Variants in CNTN4 observed in about 807,000 individuals in gnomAD.
CNTN4 encodes the protein contactin 4.
Under a neutral mutation model 122.5 loss-of-function variants are expected in CNTN4, and 77 were observed. The ratio of observed to expected loss-of-function variants is 0.63; its 90% CI spans 0.52 to 0.76. The LOEUF (loss-of-function observed/expected upper bound fraction) is 0.76, where lower values mean the gene tolerates loss of function less well. Ranked by LOEUF, CNTN4 falls within the 30% of genes least tolerant of loss-of-function variation. The pLI is 0.00. For synonymous variants in CNTN4, 512 were observed against 447.0 expected, an observed-to-expected ratio of 1.15 and a Z score of -1.83; for missense variants, 1,256 against 1,259.1, an observed-to-expected ratio of 1.00 and a Z score of 0.04.
intron 4 of CNTN4, among the ~76,000 whole-genome samples, chr3:2,600,737 A>G (rs77841565): frequency 0.098 from 14,971 of 152,246 alleles, 983 homozygotes; most frequent in Non-Finnish European, 0.14. Context: ...GGCTGGGTCA[A>G]ACGGTATTTC....
Position 2,690,851 on chromosome 3 carries a change from A to T in CNTN4, c.56-45364A>T, listed in dbSNP as rs534387221. Among the ~76,000 whole-genome samples, 3 of 152,350 alleles carry T rather than the reference A, an allele frequency of 2.0e-5. No homozygotes were observed. The South Asian group carries it at 6.2e-4, about 32-fold the overall frequency. On this transcript the variant is annotated intron_variant, in intron 4 of 24. Transcript: ENST00000418658. The stretch of plus-strand genomic sequence containing the variant: ...CACAGCCACACTCATTCCTTTGCAT[A>T]TTGCCTAAGGCAACTTTCATGCTAT...
intron 2 of CNTN4, among the ~76,000 whole-genome samples, chr3:2,224,158 T>G (rs979854357): frequency 2.6e-5 from 4 of 152,230 alleles, no homozygotes; most frequent in Admixed American, 2.6e-4. Context: ...CTCCTGTGGC[T>G]GCAGTTTCTT....
chr3:2,903,181 G>A (rs184472891), intron 12 of CNTN4, among the ~76,000 whole-genome samples, 176 bp downstream of exon 12: 7 of 152,266 alleles, frequency 4.6e-5, no homozygotes, highest in East Asian at 1.9e-4. Flanking sequence ...ACAAGAGAAC[G>A]CTTTCTAAAT....
intron 13 of CNTN4, among the ~76,000 whole-genome samples, chr3:2,933,114 GC>G (rs2094539079): frequency 6.6e-6 from 1 of 152,090 alleles, no homozygotes; most frequent in Non-Finnish European, 1.5e-5. Flanking sequence ...GAGCCACCGC[GC>G]CCGGCCCAGA....
intron 2 of CNTN4, among the ~76,000 whole-genome samples, chr3:2,294,189 G>C (rs1274874851): frequency 2.6e-5 from 4 of 151,962 alleles, no homozygotes; most frequent in Non-Finnish European, 5.9e-5. Context: ...TTTATTCCTA[G>C]TGTAAATCAT....
chr3:2,194,079 T>G (rs754497216), intron 2 of CNTN4, among the ~76,000 whole-genome samples: 1 of 152,178 alleles, frequency 6.6e-6, no homozygotes, highest in African/African-American at 2.4e-5. Context: ...TGTCCCTGTT[T>G]AGAGGAAATA....
intron 10 of CNTN4, among the ~76,000 whole-genome samples, chr3:2,892,982 T>C (rs2094061317): frequency 6.6e-6 from 1 of 152,222 alleles, no homozygotes; most frequent in Admixed American, 6.5e-5. Flanking sequence ...TACAACATTT[T>C]AATACAATAG....
intron 2 of CNTN4, among the ~76,000 whole-genome samples, chr3:2,198,933 A>T (rs1279291298): frequency 6.6e-6 from 1 of 152,188 alleles, no homozygotes; most frequent in East Asian, 1.9e-4. Context: ...CACAGATGAC[A>T]GCTTTTGTTC....
At chr3:2,816,004 A>G (rs1269854212) in intron 6 of CNTN4, among the ~76,000 whole-genome samples, 1 of 151,856 alleles carries the variant, frequency 6.6e-6, no homozygotes, top group African/African-American at 2.4e-5. Context: ...AAAACCAAAT[A>G]TCGTATGTTC....
intron 4 of CNTN4, among the ~76,000 whole-genome samples, chr3:2,588,785 TA>T (rs11334608): frequency 0.31 from 37,220 of 118,366 alleles, 5,871 homozygotes; most frequent in Non-Finnish European, 0.39. Context: ...CTTCCAGCTC[TA>T]AAAAAAAAAA....
At chr3:2,430,422 C>CA (rs545639324) in intron 3 of CNTN4, among the ~76,000 whole-genome samples, 3,030 of 59,834 alleles carry the variant, frequency 0.051, 78 homozygotes, top group African/African-American at 0.13. Flanking sequence ...ACTCTTGTCT[C>CA]AAAAAAAAAA....
chr3:2,755,597 G>A (rs2090299455), intron 6 of CNTN4, among the ~76,000 whole-genome samples: 1 of 152,166 alleles, frequency 6.6e-6, no homozygotes, highest in Non-Finnish European at 1.5e-5. Flanking sequence ...AATCTTAGGA[G>A]CTATTAAAGT....
At chr3:2,612,185 TA>T (rs2149834599) in intron 4 of CNTN4, among the ~76,000 whole-genome samples, 1 of 152,010 alleles carries the variant, frequency 6.6e-6, no homozygotes, top group East Asian at 1.9e-4. Flanking sequence ...TACATCCCGA[TA>T]AACCCATCAT....
chr3:2,648,890 C>G (rs768289839), intron 4 of CNTN4, among the ~76,000 whole-genome samples: 1 of 152,132 alleles, frequency 6.6e-6, no homozygotes, highest in Non-Finnish European at 1.5e-5. Context: ...CTTCAGGCAA[C>G]GCATGAATAA....
intron 3 of CNTN4, among the ~76,000 whole-genome samples, chr3:2,360,732 G>A (rs572816497): frequency 2.1e-4 from 32 of 152,134 alleles, no homozygotes; most frequent in Non-Finnish European, 4.3e-4. Context: ...ATTAGATCTC[G>A]TGAGAACTCT....
intron 12 of CNTN4, among the ~76,000 whole-genome samples, chr3:2,919,132 T>G (rs1237475364): frequency 6.6e-6 from 1 of 150,878 alleles, no homozygotes; most frequent in African/African-American, 2.4e-5. Context: ...TGACTTGAAG[T>G]CAGGAGTTCA....
intron 14 of CNTN4, among the ~76,000 whole-genome samples, chr3:3,016,734 C>G (rs1274733933): frequency 6.6e-6 from 1 of 152,096 alleles, no homozygotes; most frequent in Non-Finnish European, 1.5e-5. Flanking sequence ...CTGATTGTTT[C>G]CCAAGTACCT....
chr3:2,473,842 G>C (rs1338248839), intron 3 of CNTN4, among the ~76,000 whole-genome samples: 1 of 151,986 alleles, frequency 6.6e-6, no homozygotes, highest in East Asian at 1.9e-4. Context: ...GAGAAACCCT[G>C]TCTCTACTAA....
In CNTN4 at chr3:3,018,588, C is replaced by A. The variant is rs985775682; in HGVS notation, c.1487-7514C>A. 5.3e-5 allele frequency among the ~76,000 whole-genome samples: 8 copies of A among 152,116 alleles called. No homozygotes were observed. The South Asian group carries it at 1.5e-3, about 28-fold the overall frequency. On this transcript the variant is annotated intron_variant, in intron 14 of 24. Coordinates refer to ENST00000418658, the MANE Select transcript of CNTN4 (RefSeq NM_175607.3). ...CAGAGGAGACAGCTGGCAATGTTGG[C>A]AGATTGGTTATACTGAACAAAATGT...
Sources: allele counts gnomAD v4.1 joint callset (sites outside exome capture counted in the v4.1 genomes callset), GRCh38; gene constraint gnomAD v4.1.1; transcripts MANE v1.5; gene names NCBI Gene and HGNC (gene_info 2026-07-23, HGNC 2026-07-21).